The following RASIP1 variants were observed in gnomAD, a reference collection of about 807,000 sequenced individuals.
RASIP1 encodes the protein ras-interacting protein 1.
Under a neutral mutation model 85.3 loss-of-function variants are expected in RASIP1, and 20 were observed. The observed-to-expected ratio is 0.23, with a 90% CI of 0.17 to 0.34. The LOEUF (loss-of-function observed/expected upper bound fraction) is 0.34. Among genes scored for constraint, RASIP1 ranks in the 10% least tolerant of loss-of-function variants. The pLI, the probability that RASIP1 is intolerant of heterozygous loss-of-function variation, is 1.00. For synonymous variants in RASIP1, 617 were observed against 647.1 expected (o/e 0.95, Z 0.71); for missense variants, 1,170 against 1,390.9 (o/e 0.84, Z 2.53).
rs1216971273 is a variant in RASIP1 at position 48,727,074 on chromosome 19, G to A, written c.1956C>T (p.Asn652=). 6.2e-7 allele frequency: 1 copy of A among 1,614,208 alleles called. No individual in the cohort carries two copies. The highest frequency in any genetic ancestry group is 8.5e-7 in the Non-Finnish European group (1 of 1,180,048). Residue 652 remains asparagine (N), a synonymous_variant, in exon 7 of 12, where the codon AAC becomes AAT. Coordinates refer to ENST00000222145, the MANE Select transcript of RASIP1 (RefSeq NM_017805.3). The part of the protein sequence containing the change: ...ELRPLMLWMA[N]TTELLSFVQE... ...GCACAAAGCTAAGCAGCTCCGTGGT[G>A]TTGGCCATCCACAGCATGAGTGGCC...
chr19:48,738,709 T>A lies in RASIP1; in HGVS notation c.823+251A>T. On this transcript the variant is annotated intron_variant, in intron 3 of 11. Coordinates refer to ENST00000222145, the MANE Select transcript of RASIP1 (RefSeq NM_017805.3). The surrounding 1 kb of genome is among the most constrained non-coding windows in gnomAD (Gnocchi z 4.0). ...CCCCGTCCCGCCTAAGCCCCAAGCT[T>A]GGCCCCTGTAAAACTCCTGCTCAAT... The A allele has an allele frequency of 2.8e-6, 1 of 355,088 alleles. No individual in the cohort carries two copies. The highest frequency in any genetic ancestry group is 4.7e-6 in the Non-Finnish European group (1 of 212,562). The allele number at this position is 355,088 out of a possible 1,614,324, so 22.0% of individuals were successfully genotyped here.
chr19:48,729,706 CTTCTTTTTTTTTTTTT>C, intron 4 of RASIP1, 116 bp from the exon 5 acceptor site: 1 of 594,096 alleles, frequency 1.7e-6, no homozygotes, highest in Non-Finnish European at 2.7e-6. Context: ...TTTCCTTCTT[CTTCTTTTTTTTTTTTT>C]TTTTTTTTTT....
At position 48,725,900 on chromosome 19, in the gene RASIP1, G is replaced by A. The variant is rs551595425; in HGVS notation, c.2127+885C>T. On this transcript the variant is annotated intron_variant, in intron 8 of 11. Coordinates refer to ENST00000222145, the MANE Select transcript of RASIP1 (RefSeq NM_017805.3). ...TAGTGAGGTCAGCCTGTCAAAAGTG[G>A]TGATGATTACTTTTTTTTTTATTTC... Among the ~76,000 whole-genome samples, 10 of 152,186 alleles carry A rather than the reference G, an allele frequency of 6.6e-5. No homozygotes were observed. The South Asian group carries it at 2.1e-3, about 32-fold the overall frequency.
At chr19:48,736,135 G>A (rs115528973) in intron 3 of RASIP1, among the ~76,000 whole-genome samples, 3,804 of 151,510 alleles carry the variant, frequency 0.025, 150 homozygotes, top group African/African-American at 0.088. Flanking sequence ...AAGTATTTAG[G>A]CCGGGTGCGG....
chr19:48,723,691 A>G (rs1244179388), intron 10 of RASIP1, among the ~76,000 whole-genome samples: 2 of 152,178 alleles, frequency 1.3e-5, no homozygotes, highest in African/African-American at 2.4e-5. Flanking sequence ...TAGAAGTGCT[A>G]AACAGGGTGC....
In RASIP1 at chr19:48,740,485, A is replaced by G. The variant is rs989434158; in HGVS notation, c.-5+36T>C. 2 of 1,401,176 alleles carry G rather than the reference A, an allele frequency of 1.4e-6. No homozygotes were observed. The highest frequency in any genetic ancestry group is 2.9e-5 in the African/African-American group (2 of 68,094). The allele number at this position is 1,401,176 out of a possible 1,614,324, so 86.8% of individuals were successfully genotyped here. On this transcript the variant is annotated intron_variant, in intron 1 of 11. Transcript: ENST00000222145. This position sits in a 1 kb window ranked among gnomAD's most constrained non-coding sequence, Gnocchi z 5.5. Reference sequence around the variant, plus strand: ...GGGGACTGAGTCTTGGGGCCCAGGGAGGAGGGGTTTGGGCTGCTGGGTCCC... The same window carrying G: ...GGGGACTGAGTCTTGGGGCCCAGGGGGGAGGGGTTTGGGCTGCTGGGTCCC...
At chr19:48,721,125 G>T in intron 11 of RASIP1, 128 bp from the exon 12 acceptor site, 1 of 812,318 alleles carries the variant, frequency 1.2e-6, no homozygotes, top group Non-Finnish European at 1.9e-6. Context: ...TCCTGGGGCG[G>T]GGTCCGTTCA....
intron 8 of RASIP1, chr19:48,725,208 T>C (rs1051065838): frequency 1.7e-5 from 8 of 463,318 alleles, no homozygotes; most frequent in African/African-American, 9.9e-5. Flanking sequence ...CAGAGACAGC[T>C]CAAGGAGGAC....
chr19:48,739,130 C>T lies in RASIP1; in HGVS notation c.653G>A (p.Ser218Asn). The T allele has an allele frequency of 7.4e-7, 1 of 1,348,904 alleles. No homozygotes were observed. Among genetic ancestry groups the T allele is most frequent in the South Asian group, 1.8e-5 (1 of 54,510 alleles). 83.6% of individuals were successfully genotyped at this position (1,348,904 alleles called of 1,614,324 possible). The change falls in exon 3 of 12, where the codon AGC becomes AAC. Residue 218 changes from serine to asparagine, a missense_variant. Coordinates refer to ENST00000222145, the MANE Select transcript of RASIP1 (RefSeq NM_017805.3). This position sits in a 1 kb window ranked among gnomAD's most constrained non-coding sequence, Gnocchi z 9.2. ...CAGGTGCTCCGCCCGCCACTCGCCG[C>T]TTCCCACGCCCGCCGCCGCGGGCCG... ...LGRPAAAGVG[S>N]GEWRAEHLRV...
At chr19:48,727,465 G>A (rs764019517) in intron 5 of RASIP1, 35 bp from the exon 6 acceptor site, 28 of 1,605,470 alleles carry the variant, frequency 1.7e-5, no homozygotes, top group Non-Finnish European at 2.2e-5. Context: ...AAGGTGAGGG[G>A]GATCCACTGA....
At chr19:48,725,041 G>A (rs1490779752) in intron 8 of RASIP1, 81 bp from the exon 9 acceptor site, 5 of 1,514,578 alleles carry the variant, frequency 3.3e-6, no homozygotes, top group Non-Finnish European at 3.6e-6. Flanking sequence ...TGAAGATAGT[G>A]GGGAGCTCCA....
chr19:48,734,819 T>C (rs1227422361), intron 4 of RASIP1, among the ~76,000 whole-genome samples: 1 of 152,162 alleles, frequency 6.6e-6, no homozygotes, highest in Non-Finnish European at 1.5e-5. Context: ...CTCACTATGT[T>C]GTCCAGGCTG....
chr19:48,738,989 T>A lies in RASIP1; in HGVS notation c.794A>T (p.Gln265Leu). 8.2e-7 allele frequency: 1 copy of A among 1,223,950 alleles called. No homozygotes were observed. Among genetic ancestry groups the A allele is most frequent in the Non-Finnish European group, 1.0e-6 (1 of 986,908 alleles). 75.8% of individuals were successfully genotyped at this position (1,223,950 alleles called of 1,614,324 possible). Residue 265 changes from glutamine to leucine, a missense_variant, in exon 3 of 12, where the codon CAG (glutamine) becomes CTG (leucine). By Grantham distance (113) the Gln-to-Leu change is moderately radical. Around this residue, in one of 4 missense-constraint regions of RASIP1, gnomAD observed 301 missense variants for 294.8 expected, o/e 1.02. Coordinates refer to ENST00000222145, the MANE Select transcript of RASIP1 (RefSeq NM_017805.3). The surrounding 1 kb of genome is among the most constrained non-coding windows in gnomAD (Gnocchi z 4.0). ...RGREEARRLE[Q>L]EAFGAADSEG... ...GCTGTCCGCGGCCCCGAAGGCCTCC[T>A]GCTCCAGGCGCCGCGCCTCCTCGCG...
In RASIP1 at chr19:48,734,528, C is replaced by T. The variant is rs190381373; in HGVS notation, c.1179+668G>A. Among the ~76,000 whole-genome samples the T allele has an allele frequency of 3.4e-5, 5 of 147,342 alleles. No individual in the cohort carries two copies. The Admixed American group carries it at 3.4e-4, about 10-fold the overall frequency. ...TTTGAGACAGAGTCTTGCTCTGTCT[C>T]CCTGGCTGGAGTGCAATGGAACGAT... is the stretch of plus-strand genomic sequence containing the variant. On this transcript the variant is annotated intron_variant, in intron 4 of 11. Coordinates refer to ENST00000222145, the MANE Select transcript of RASIP1 (RefSeq NM_017805.3).
intron 8 of RASIP1, among the ~76,000 whole-genome samples, chr19:48,726,523 C>T (rs1165013923): frequency 6.6e-6 from 1 of 152,092 alleles, no homozygotes; most frequent in Admixed American, 6.6e-5. Context: ...ACCGCGTTTG[C>T]CCAGGTGATG....
intron 4 of RASIP1, among the ~76,000 whole-genome samples, chr19:48,734,486 C>CTTTT (rs35517837): frequency 1.2e-5 from 1 of 83,708 alleles, no homozygotes; most frequent in African/African-American, 5.3e-5. Context: ...GCTTTTTTTT[C>CTTTT]TTTCTTTTTT....
intron 4 of RASIP1, among the ~76,000 whole-genome samples, chr19:48,731,654 A>C (rs924612454): frequency 1.1e-4 from 17 of 152,322 alleles, no homozygotes; most frequent in Non-Finnish European, 2.4e-4. Context: ...ACCATGTCTG[A>C]GACAACAGGC....
chr19:48,729,231 G>T lies in RASIP1; in HGVS notation c.1539C>A (p.Gly513=), dbSNP rs992585682. ...LPARPGATPP[G]PGWAFSCRLC... ...GGCGACAGGAGAAGGCCCAGCCAGGGCCTGGCGGCGTGGCCCCGGGGCGCG... is the reference window on the plus strand; with the variant it reads ...GGCGACAGGAGAAGGCCCAGCCAGGTCCTGGCGGCGTGGCCCCGGGGCGCG... Residue 513 remains glycine (G), a synonymous_variant, in exon 5 of 12, where the codon GGC becomes GGA. Coordinates refer to ENST00000222145, the MANE Select transcript of RASIP1 (RefSeq NM_017805.3). 4 of 1,394,360 alleles carry T rather than the reference G, an allele frequency of 2.9e-6. No homozygotes were observed. In the Admixed American group the frequency reaches 1.1e-4, roughly 40 times the overall value. The allele number at this position is 1,394,360 out of a possible 1,614,324, so 86.4% of individuals were successfully genotyped here. A position where few individuals can be genotyped will look rare whatever the true frequency, so the allele number is the denominator to read the frequency against.
chr19:48,724,563 G>A lies in RASIP1; in HGVS notation c.2372-54C>T. On this transcript the variant is annotated intron_variant, in intron 9 of 11. Transcript: ENST00000222145. This position sits in a 1 kb window ranked among gnomAD's most constrained non-coding sequence, Gnocchi z 4.6. Reference sequence around the variant, plus strand: ...TTGGTTGGCTGGACTCTGTGCTCCTGCCTCCCAGACTCTTCCTATCCTTCA... The same window carrying A: ...TTGGTTGGCTGGACTCTGTGCTCCTACCTCCCAGACTCTTCCTATCCTTCA... 6.3e-7 allele frequency: 1 copy of A among 1,588,154 alleles called. No homozygotes were observed. The highest frequency in any genetic ancestry group is 1.1e-5 in the South Asian group (1 of 87,826).
Sources: gnomAD v4.1 joint callset for allele counts (sites outside exome capture counted in the v4.1 genomes callset) on GRCh38, gnomAD v4.1.1 for gene constraint, gnomAD v4.1.1 regional missense constraint, Gnocchi (gnomAD v3.1) non-coding constraint, MANE v1.5 for transcripts, NCBI Gene and HGNC (gene_info 2026-07-23, HGNC 2026-07-21) for gene names.